ELL2: variants seen among roughly 807,000 people sequenced by gnomAD.
ELL2 encodes the protein elongation factor for RNA polymerase II 2.
A neutral mutation model predicts 72.8 loss-of-function variants in ELL2; 21 were observed. The observed-to-expected ratio is 0.29, with a 90% CI of 0.20 to 0.42. The LOEUF is 0.42. ELL2 is among the 10% of genes least tolerant of loss of function. ELL2 has a pLI of 1.00. For missense variants in ELL2, 568 were observed against 772.8 expected, an observed-to-expected ratio of 0.73 and a Z score of 3.14; for synonymous variants, 266 against 283.2, an observed-to-expected ratio of 0.94 and a Z score of 0.61.
chr5:95,943,371 G>C (rs1751042692), intron 1 of ELL2, among the ~76,000 whole-genome samples: 2 of 151,984 alleles, frequency 1.3e-5, no homozygotes, highest in Non-Finnish European at 2.9e-5. Context: ...ACTATATTAA[G>C]ATGCCTTGGA....
chr5:95,891,688 C>A (rs754671471), intron 9 of ELL2, among the ~76,000 whole-genome samples: 1 of 152,198 alleles, frequency 6.6e-6, no homozygotes, highest in Non-Finnish European at 1.5e-5. Flanking sequence ...GAGAATGTCA[C>A]GCAGTCCGTG....
chr5:95,900,626 A>T, intron 7 of ELL2, 67 bp downstream of exon 7: 2 of 1,180,600 alleles, frequency 1.7e-6, no homozygotes. Context: ...TCACTTATAC[A>T]TCAGAGGACC....
chr5:95,898,130 A>T, intron 8 of ELL2, 110 bp downstream of exon 8: 1 of 979,470 alleles, frequency 1.0e-6, no homozygotes, highest in Non-Finnish European at 1.5e-6. Context: ...CACAACACTA[A>T]GATTAATAAT....
In ELL2 at chr5:95,906,675, T is replaced by C. The variant is rs147933614; in HGVS notation, c.589A>G (p.Ser197Gly). Residue 197 changes from serine (S) to glycine (G), a missense_variant, in exon 5 of 12, where the codon AGC (serine) becomes GGC (glycine). By Grantham distance (56) the Ser-to-Gly change is moderately conservative. This residue lies in a region of ELL2 where 511 missense variants were observed against 728.4 expected (regional missense o/e 0.70). Coordinates refer to ENST00000237853, the MANE Select transcript of ELL2 (RefSeq NM_012081.6). ...NPANTIRKTH[S>G]SSTISQRPYR... Reference sequence around the variant, plus strand: ...GGCCTCTGAGAGATGGTGCTGCTGCTATGTGTCTTTCGAATTGTATTTGCA... The same window carrying C: ...GGCCTCTGAGAGATGGTGCTGCTGCCATGTGTCTTTCGAATTGTATTTGCA... The C allele has an allele frequency of 6.5e-4, 1,045 of 1,614,152 alleles. 1 individual carries two copies. Among genetic ancestry groups the C allele is most frequent in the Non-Finnish European group, 7.0e-4 (827 of 1,179,992 alleles).
At chr5:95,904,770 G>C (rs1251024969) in intron 5 of ELL2, among the ~76,000 whole-genome samples, 1 of 151,796 alleles carries the variant, frequency 6.6e-6, no homozygotes, top group Non-Finnish European at 1.5e-5. Context: ...AGTTTTATTA[G>C]AGCAAAGTCA....
chr5:95,942,849 G>C, intron 2 of ELL2, 153 bp downstream of exon 2: 1 of 410,740 alleles, frequency 2.4e-6, no homozygotes, highest in African/African-American at 2.1e-5. Flanking sequence ...GATAATTCAA[G>C]CATCTTAAAG....
intron 10 of ELL2, among the ~76,000 whole-genome samples, chr5:95,890,488 C>G (rs972591506): frequency 6.6e-6 from 1 of 152,214 alleles, no homozygotes; most frequent in Non-Finnish European, 1.5e-5. Flanking sequence ...TTGCTAAGAA[C>G]TACAAAAATA....
chr5:95,899,328 C>T (rs1254348261), intron 7 of ELL2, among the ~76,000 whole-genome samples: 1 of 152,324 alleles, frequency 6.6e-6, no homozygotes, highest in East Asian at 1.9e-4. Flanking sequence ...CTTTAATGGG[C>T]TAAAATGCTC....
At chr5:95,960,721 G>A (rs1028006537) in intron 1 of ELL2, among the ~76,000 whole-genome samples, 6 of 152,092 alleles carry the variant, frequency 3.9e-5, no homozygotes, top group Non-Finnish European at 7.4e-5. Context: ...TCCAGAACCC[G>A]ATGTCTTGCT....
chr5:95,941,201 A>G (rs1422154810), intron 2 of ELL2, among the ~76,000 whole-genome samples: 1 of 152,032 alleles, frequency 6.6e-6, no homozygotes, highest in Admixed American at 6.6e-5. Context: ...AAATTCAAAC[A>G]CCCATTAAGA....
intron 7 of ELL2, among the ~76,000 whole-genome samples, chr5:95,899,314 T>G (rs1378716688): frequency 2.0e-5 from 3 of 152,362 alleles, no homozygotes; most frequent in South Asian, 2.1e-4. Flanking sequence ...GCACTTATTT[T>G]AATCTTTAAT....
Position 95,894,224 on chromosome 5 carries a change from G to C in ELL2, c.1589+1404C>G, listed in dbSNP as rs189560895. On this transcript the variant is annotated intron_variant, in intron 9 of 11. Coordinates refer to ENST00000237853, the MANE Select transcript of ELL2 (RefSeq NM_012081.6). ...CATCGCACTCCAGCCTGGGCAACAA[G>C]AGCGAAATTCCGTCTCAAAAACAAA... 1.5e-4 allele frequency among the ~76,000 whole-genome samples: 23 copies of C among 152,218 alleles called. No individual in the cohort carries two copies. The East Asian group carries it at 4.4e-3, about 29-fold the overall frequency.
intron 4 of ELL2, among the ~76,000 whole-genome samples, chr5:95,910,828 C>T (rs1012351930): frequency 3.3e-4 from 50 of 152,142 alleles, no homozygotes; most frequent in African/African-American, 1.2e-3. Flanking sequence ...AAACTTCTGG[C>T]ATCATTTTAT....
rs144522408 is a variant in ELL2 at position 95,906,769 on chromosome 5, T to C, written c.495A>G (p.Gln165=). 1.9e-4 allele frequency: 299 copies of C among 1,611,206 alleles called. No homozygotes were observed. The highest frequency in any genetic ancestry group is 3.2e-4 in the Admixed American group (19 of 59,688). ...PGGPYVGKRV[Q]IRKAPQAVSD... is the part of the protein sequence containing the mutation. ...AAACAGCTTGAGGTGCTTTCCGAAT[T>C]TGCACTCTTTTCCCTAAAGTCCAGT... The change falls in exon 5 of 12, where the codon CAA becomes CAG. Residue 165 remains glutamine (Q), a synonymous_variant. Coordinates refer to ENST00000237853, the MANE Select transcript of ELL2 (RefSeq NM_012081.6).
chr5:95,898,107 AACTGCTC>A, intron 8 of ELL2, 126 bp downstream of exon 8: 1 of 731,484 alleles, frequency 1.4e-6, no homozygotes, highest in Non-Finnish European at 2.0e-6. Context: ...AAAAAAAAAA[AACTGCTC>A]AAAAGCACAA....
At chr5:95,930,215 C>A (rs1750546885) in intron 2 of ELL2, among the ~76,000 whole-genome samples, 1 of 152,188 alleles carries the variant, frequency 6.6e-6, no homozygotes, top group Non-Finnish European at 1.5e-5. Context: ...ATATGAATCG[C>A]AACTTCCAAT....
intron 1 of ELL2, among the ~76,000 whole-genome samples, chr5:95,951,285 C>T (rs1006774049): frequency 3.3e-5 from 5 of 151,996 alleles, no homozygotes; most frequent in African/African-American, 7.2e-5. Flanking sequence ...AGGAGAATGA[C>T]GTGAACCCAG....
chr5:95,912,921 C>T (rs146428302), intron 4 of ELL2, among the ~76,000 whole-genome samples: 148 of 152,226 alleles, frequency 9.7e-4, no homozygotes, highest in South Asian at 8.3e-3. Flanking sequence ...TTTCTGTGAG[C>T]GTTTAAGTTT....
chr5:95,894,358 T>G (rs535255608), intron 9 of ELL2, among the ~76,000 whole-genome samples: 2 of 152,338 alleles, frequency 1.3e-5, no homozygotes, highest in East Asian at 3.9e-4. Context: ...TCGTATATAA[T>G]AAGTATATGT....
Sources: gnomAD v4.1 joint callset for allele counts (sites outside exome capture counted in the v4.1 genomes callset) on GRCh38, gnomAD v4.1.1 for gene constraint, gnomAD v4.1.1 regional missense constraint, MANE v1.5 for transcripts, NCBI Gene and HGNC (gene_info 2026-07-23, HGNC 2026-07-21) for gene names.